Variants in SPATA16 observed in about 807,000 individuals in gnomAD.
SPATA16 encodes spermatogenesis-associated protein 16.
A neutral mutation model predicts 63.3 loss-of-function variants in SPATA16; 36 were observed. That is an observed-to-expected ratio of 0.57 (90% CI 0.44 to 0.75). The LOEUF (loss-of-function observed/expected upper bound fraction) is 0.75. Among genes scored for constraint, SPATA16 ranks in the 30% least tolerant of loss-of-function variants. SPATA16 has a pLI of 0.00. For synonymous variants in SPATA16, 203 were observed against 216.7 expected (o/e 0.94, Z 0.56); for missense variants, 646 against 679.3 (o/e 0.95, Z 0.54).
intron 2 of SPATA16, among the ~76,000 whole-genome samples, chr3:173,069,561 G>A (rs1254721155): frequency 2.0e-5 from 3 of 152,126 alleles, no homozygotes; most frequent in African/African-American, 7.2e-5. Flanking sequence ...AATATACAAA[G>A]AAGAATTAAT....
At chr3:172,901,057 A>G (rs1179125479) in intron 10 of SPATA16, among the ~76,000 whole-genome samples, 1 of 151,670 alleles carries the variant, frequency 6.6e-6, no homozygotes, top group African/African-American at 2.4e-5. Flanking sequence ...TTATTTTTTC[A>G]GTTCTAAAAT....
chr3:173,046,688 C>G (rs979555977), intron 3 of SPATA16, among the ~76,000 whole-genome samples: 1 of 151,924 alleles, frequency 6.6e-6, no homozygotes, highest in Non-Finnish European at 1.5e-5. Context: ...GAGTATATAA[C>G]TAATGGTTGT....
At chr3:173,054,011 C>T (rs1285909904) in intron 2 of SPATA16, among the ~76,000 whole-genome samples, 3 of 147,920 alleles carry the variant, frequency 2.0e-5, no homozygotes, top group African/African-American at 7.5e-5. Context: ...TACACTATAT[C>T]AACATAAATT....
intron 6 of SPATA16, among the ~76,000 whole-genome samples, chr3:172,942,633 G>A (rs1733183317): frequency 6.6e-6 from 1 of 151,994 alleles, no homozygotes. Flanking sequence ...CTGATGTCGA[G>A]TAGACAAAAA....
At chr3:173,124,187 G>A (rs1477843630) in intron 1 of SPATA16, among the ~76,000 whole-genome samples, 1 of 152,202 alleles carries the variant, frequency 6.6e-6, no homozygotes, top group Non-Finnish European at 1.5e-5. Flanking sequence ...ACTTTATCAT[G>A]ATATTAAGTA....
chr3:173,054,743 CT>C (rs915639244), intron 2 of SPATA16, among the ~76,000 whole-genome samples: 4 of 151,074 alleles, frequency 2.6e-5, no homozygotes, highest in South Asian at 2.1e-4. Context: ...CACATGTATC[CT>C]TTTTTTTTAA....
At chr3:173,010,093 G>C (rs1735030543) in intron 4 of SPATA16, among the ~76,000 whole-genome samples, 1 of 152,172 alleles carries the variant, frequency 6.6e-6, no homozygotes, top group Non-Finnish European at 1.5e-5. Flanking sequence ...GGGTTAAAAA[G>C]GGAGTAGCCT....
At chr3:172,981,132 A>G (rs985073964) in intron 4 of SPATA16, among the ~76,000 whole-genome samples, 1 of 152,100 alleles carries the variant, frequency 6.6e-6, no homozygotes, top group Non-Finnish European at 1.5e-5. Context: ...CCACTGTGCC[A>G]TTATTTCTGG....
intron 2 of SPATA16, among the ~76,000 whole-genome samples, chr3:173,070,762 A>G (rs952288610): frequency 2.0e-5 from 3 of 152,228 alleles, no homozygotes. Context: ...CAAAGAAGTA[A>G]AAGATTTCTA....
At chr3:172,890,295 T>C (rs1731866969) in intron 10 of SPATA16, among the ~76,000 whole-genome samples, 1 of 152,350 alleles carries the variant, frequency 6.6e-6, no homozygotes, top group South Asian at 2.1e-4. Flanking sequence ...AGAATTAGTC[T>C]TTCTTCAAAG....
intron 10 of SPATA16, among the ~76,000 whole-genome samples, chr3:172,910,799 C>T (rs989656251): frequency 6.6e-6 from 1 of 152,206 alleles, no homozygotes; most frequent in African/African-American, 2.4e-5. Context: ...GCCATGATTT[C>T]AGCTAATGAC....
intron 1 of SPATA16, among the ~76,000 whole-genome samples, chr3:173,127,184 G>GCA (rs1157266058): frequency 6.6e-6 from 1 of 152,130 alleles, no homozygotes; most frequent in Non-Finnish European, 1.5e-5. Context: ...GTGTGTGTGT[G>GCA]CACACATGCA....
intron 2 of SPATA16, among the ~76,000 whole-genome samples, chr3:173,089,529 G>A (rs893491714): frequency 1.1e-4 from 16 of 152,128 alleles, no homozygotes; most frequent in African/African-American, 3.6e-4. Context: ...GTGAAGATAC[G>A]GATAAGGGCC....
intron 4 of SPATA16, among the ~76,000 whole-genome samples, chr3:172,993,376 T>C (rs1734625246): frequency 6.6e-6 from 1 of 152,140 alleles, no homozygotes; most frequent in African/African-American, 2.4e-5. Flanking sequence ...AAGGGTTTCC[T>C]TGATCAATGG....
At chr3:173,113,486 T>C (rs1737803961) in intron 2 of SPATA16, among the ~76,000 whole-genome samples, 1 of 152,234 alleles carries the variant, frequency 6.6e-6, no homozygotes, top group African/African-American at 2.4e-5. Flanking sequence ...TCATTAAGCA[T>C]GTTTACATAA....
At chr3:172,945,362 C>G (rs1733256145) in intron 6 of SPATA16, among the ~76,000 whole-genome samples, 1 of 152,184 alleles carries the variant, frequency 6.6e-6, no homozygotes, top group Admixed American at 6.5e-5. Flanking sequence ...ATAGAACTCT[C>G]CAGTGATTGT....
At position 172,916,238 on chromosome 3, in the gene SPATA16, T is replaced by G. The variant is rs1020673630; in HGVS notation, c.1503+79A>C. The G allele has an allele frequency of 2.4e-4, 356 of 1,511,096 alleles. 1 individual carries two copies. The highest frequency in any genetic ancestry group is 9.3e-4 in the African/African-American group (65 of 69,906). The allele number at this position is 1,511,096 out of a possible 1,614,324, so 93.6% of individuals were successfully genotyped here. The stretch of plus-strand genomic sequence containing the variant: ...TACATTTATTACCACAGGATTTTTT[T>G]TTTTTTTTTTCCCCAGACCATATCA... On this transcript the variant is annotated intron_variant, in intron 9 of 10. Coordinates refer to ENST00000351008, the MANE Select transcript of SPATA16 (RefSeq NM_031955.6).
intron 1 of SPATA16, among the ~76,000 whole-genome samples, chr3:173,130,516 C>T (rs1019426262): frequency 6.6e-5 from 10 of 152,090 alleles, no homozygotes; most frequent in Non-Finnish European, 1.2e-4. Context: ...GCAGAATAAA[C>T]GCTCATTTTT....
In SPATA16 at chr3:172,938,280, G is replaced by A. The variant is rs549131000; in HGVS notation, c.1082-12788C>T. Among the ~76,000 whole-genome samples, 21 of 152,312 alleles carry A rather than the reference G, an allele frequency of 1.4e-4. No homozygotes were observed. In the South Asian group the frequency reaches 3.5e-3, roughly 26 times the overall value. On this transcript the variant is annotated intron_variant, in intron 6 of 10. Coordinates refer to ENST00000351008, the MANE Select transcript of SPATA16 (RefSeq NM_031955.6). ...AGGGAGAGGCGAAGGACTTGTCCCC[G>A]TGATTTGGAAATTGTTAAGTGGTTA... is the stretch of plus-strand genomic sequence containing the variant.
Sources: gnomAD v4.1 joint callset for allele counts (sites outside exome capture counted in the v4.1 genomes callset) on GRCh38, gnomAD v4.1.1 for gene constraint, MANE v1.5 for transcripts, NCBI Gene and HGNC (gene_info 2026-07-23, HGNC 2026-07-21) for gene names.